Variants in BEAN1 observed in about 807,000 individuals in gnomAD.
The protein encoded by BEAN1 is brain expressed associated with NEDD4 1.
In BEAN1, 17 loss-of-function variants were observed where a neutral mutation model predicts 17.7. The observed-to-expected ratio is 0.96, with a 90% CI of 0.66 to 1.44. The LOEUF is 1.44. BEAN1 is among the 40% of genes most tolerant of loss of function. BEAN1 has a pLI of 0.00. For synonymous variants in BEAN1, 142 were observed against 151.8 expected, an observed-to-expected ratio of 0.94 and a Z score of 0.47; for missense variants, 359 against 374.1, an observed-to-expected ratio of 0.96 and a Z score of 0.33.
intron 3 of BEAN1, among the ~76,000 whole-genome samples, chr16:66,476,991 T>A (rs932111187): frequency 1.3e-5 from 2 of 151,928 alleles, no homozygotes; most frequent in East Asian, 1.9e-4. Flanking sequence ...GATCCCAGAG[T>A]TCTCTGAAGC....
intron 2 of BEAN1, among the ~76,000 whole-genome samples, chr16:66,448,539 C>G (rs370030177): frequency 4.6e-5 from 7 of 152,156 alleles, no homozygotes; most frequent in Admixed American, 2.0e-4. Flanking sequence ...TCAAAAAACA[C>G]GGCTGGGTGC....
downstream of BEAN1, chr16:66,483,236 C>T (rs563945212): frequency 1.6e-3 from 304 of 191,218 alleles, no homozygotes; most frequent in Non-Finnish European, 3.0e-3. Context: ...CAAGATTAAG[C>T]ACCATTGAAG....
rs1962766278 is a variant in BEAN1, at chr16:66,453,756, CAG to C, written c.26-15843_26-15842del. 2.0e-5 allele frequency among the ~76,000 whole-genome samples: 3 copies of C among 150,666 alleles called. No homozygotes were observed. In the South Asian group the frequency reaches 6.3e-4, roughly 32 times the overall value. On this transcript the variant is annotated intron_variant, in intron 2 of 4. Coordinates refer to ENST00000536005, the MANE Select transcript of BEAN1 (RefSeq NM_001178020.3). Reference sequence around the variant, plus strand: ...ATTTTTTTTTTTTGGGTCAGGGGGACAGAGTCTTGCTCTGTTGCCCAGGCTGG... The same window carrying C: ...ATTTTTTTTTTTTGGGTCAGGGGGACAGTCTTGCTCTGTTGCCCAGGCTGG...
intron 2 of BEAN1, among the ~76,000 whole-genome samples, chr16:66,441,027 C>T (rs1962235189): frequency 6.6e-6 from 1 of 152,148 alleles, no homozygotes; most frequent in Non-Finnish European, 1.5e-5. Flanking sequence ...CACTTCAGAT[C>T]AATCTAGAAA....
At chr16:66,431,049 T>C (rs1332725215) in intron 1 of BEAN1, among the ~76,000 whole-genome samples, 1 of 152,222 alleles carries the variant, frequency 6.6e-6, no homozygotes, top group Admixed American at 6.5e-5. Context: ...TTAAAAACAA[T>C]GGATATTATT....
At chr16:66,494,648 A>C (rs1342349662), downstream of BEAN1, among the ~76,000 whole-genome samples, 1 of 152,090 alleles carries the variant, frequency 6.6e-6, no homozygotes, top group East Asian at 1.9e-4. Context: ...AGACAACTGG[A>C]TGTGTAGTAC....
At position 66,445,503 on chromosome 16, in the gene BEAN1, A is replaced by G. The variant is rs1043865512; in HGVS notation, c.25+7802A>G. Among the ~76,000 whole-genome samples, 10 of 116,764 alleles carry G rather than the reference A, an allele frequency of 8.6e-5. 1 individual carries two copies. Among genetic ancestry groups the G allele is most frequent in the Admixed American group, 6.3e-4 (7 of 11,044 alleles). The allele number at this position is 116,764 out of a possible 152,430, so 76.6% of individuals were successfully genotyped here. Reference sequence around the variant, plus strand: ...AAAAAAAAAAAAAAAAAAAAAAAAAAAAAAAAAAAAAAGCAGAGTGAGGTG... The same window carrying G: ...AAAAAAAAAAAAAAAAAAAAAAAAAGAAAAAAAAAAAAGCAGAGTGAGGTG... On this transcript the variant is annotated intron_variant, in intron 2 of 4. Coordinates refer to ENST00000536005, the MANE Select transcript of BEAN1 (RefSeq NM_001178020.3).
rs533744789 is a variant in BEAN1 at position 66,480,789 on chromosome 16, C to G, written c.644C>G (p.Pro215Arg). 407 of 1,550,066 alleles carry G rather than the reference C, an allele frequency of 2.6e-4. 1 individual carries two copies. The highest frequency in any genetic ancestry group is 3.2e-4 in the Non-Finnish European group (367 of 1,146,356). Residue 215 changes from proline to arginine, a missense_variant, in exon 5 of 5, where the codon CCC becomes CGC. By Grantham distance (103) the Pro-to-Arg change is moderately radical (BLOSUM62 -2). Transcript: ENST00000536005. ...ACGGTCTCCATGGACACCCTTCCCCCCTACGAGGCTGTGTGCGGGGCTGGC... is the reference window on the plus strand; with the variant it reads ...ACGGTCTCCATGGACACCCTTCCCCGCTACGAGGCTGTGTGCGGGGCTGGC... ...LHTVSMDTLP[P>R]YEAVCGAGPP...
chr16:66,455,693 T>C (rs1412535410), intron 2 of BEAN1, among the ~76,000 whole-genome samples: 1 of 151,946 alleles, frequency 6.6e-6, no homozygotes, highest in Non-Finnish European at 1.5e-5. Flanking sequence ...AGCTACTTTT[T>C]TTTTTTTTTT....
In BEAN1 at chr16:66,492,895, C is replaced by T. The variant is rs1366872860; in HGVS notation, c.148-67C>T. On this transcript the variant is annotated intron_variant, in intron 4 of 4. Transcript: ENST00000561796. ...GGCACCAGCCCTTGGTCCTGCCTGGCCTGGCCCCTCTCAGCCACTCTGCTG... is the reference window on the plus strand; with the variant it reads ...GGCACCAGCCCTTGGTCCTGCCTGGTCTGGCCCCTCTCAGCCACTCTGCTG... 1.1e-5 allele frequency: 7 copies of T among 649,898 alleles called. No individual in the cohort carries two copies. In the East Asian group the frequency reaches 1.9e-4, roughly 18 times the overall value. 40.3% of individuals were successfully genotyped at this position (649,898 alleles called of 1,614,324 possible).
At position 66,473,193 on chromosome 16, in the gene BEAN1, C is replaced by G. The variant is rs1963551831; in HGVS notation, c.289+3328C>G. Among the ~76,000 whole-genome samples the G allele has an allele frequency of 1.3e-5, 2 of 152,154 alleles. No homozygotes were observed. The highest frequency in any genetic ancestry group is 2.9e-5 in the Non-Finnish European group (2 of 68,022). ...TGGGCTTAGGGGCAGGCCAGCCCCT[C>G]TGTAGCCTGTGGTGGCCTCGGGACT... On this transcript the variant is annotated intron_variant, in intron 3 of 4. Transcript: ENST00000536005. This position sits in a 1 kb window ranked among gnomAD's most constrained non-coding sequence, Gnocchi z 4.5.
At chr16:66,488,518 C>CAAA (rs35976761) in intron 4 of BEAN1, among the ~76,000 whole-genome samples, 2,741 of 48,992 alleles carry the variant, frequency 0.056, 70 homozygotes, top group East Asian at 0.14. Flanking sequence ...TTATCACTAC[C>CAAA]AAAAAAAAAA....
chr16:66,465,624 C>T (rs1429756642), intron 2 of BEAN1, among the ~76,000 whole-genome samples: 1 of 152,156 alleles, frequency 6.6e-6, no homozygotes, highest in Non-Finnish European at 1.5e-5. Context: ...TTCTCATCAT[C>T]CCAAACTGAA....
At chr16:66,437,828 TG>T in intron 2 of BEAN1, 127 bp downstream of exon 2, 2 of 1,253,540 alleles carry the variant, frequency 1.6e-6, no homozygotes, top group Non-Finnish European at 2.2e-6. Context: ...GAGGCTAATG[TG>T]GCATGCTGGG....
chr16:66,451,336 T>C (rs1379534415), intron 2 of BEAN1: 1 of 152,228 alleles, frequency 6.6e-6, no homozygotes, highest in Non-Finnish European at 1.5e-5. Context: ...AATCTTTCAC[T>C]TGTTCCAGCC....
intron 2 of BEAN1, among the ~76,000 whole-genome samples, chr16:66,464,555 C>A (rs2142421878): frequency 6.6e-6 from 1 of 152,222 alleles, no homozygotes; most frequent in Admixed American, 6.5e-5. Flanking sequence ...GTTGGCTAGG[C>A]TGGTTTCAAA....
chr16:66,478,570 C>T (rs1041312712), intron 4 of BEAN1, among the ~76,000 whole-genome samples: 3 of 152,148 alleles, frequency 2.0e-5, no homozygotes, highest in Non-Finnish European at 4.4e-5. Flanking sequence ...CCACTGCACT[C>T]CAGCCTTAGC....
intron 2 of BEAN1, among the ~76,000 whole-genome samples, chr16:66,468,426 C>G (rs72788592): frequency 6.6e-6 from 1 of 152,316 alleles, no homozygotes; most frequent in Non-Finnish European, 1.5e-5. Context: ...TTGCCCGTGA[C>G]CCTGTGGTTC....
At chr16:66,468,838 G>C (rs560376992) in intron 2 of BEAN1, among the ~76,000 whole-genome samples, 5 of 152,120 alleles carry the variant, frequency 3.3e-5, no homozygotes, top group African/African-American at 7.2e-5. Flanking sequence ...TTTCCGGTGA[G>C]AGGACTAAGT....
Sources: allele counts gnomAD v4.1 joint callset (sites outside exome capture counted in the v4.1 genomes callset), GRCh38; gene constraint gnomAD v4.1.1; non-coding constraint Gnocchi (gnomAD v3.1); transcripts MANE v1.5; gene names NCBI Gene and HGNC (gene_info 2026-07-23, HGNC 2026-07-21).